The following MCC variants were observed in gnomAD, a reference collection of about 807,000 sequenced individuals.
The protein encoded by MCC is colorectal mutant cancer protein.
Under a neutral mutation model 116.2 loss-of-function variants are expected in MCC, and 90 were observed. That is an observed-to-expected ratio of 0.77 (90% CI 0.65 to 0.92). The LOEUF (loss-of-function observed/expected upper bound fraction) is 0.92, where lower values mean the gene tolerates loss of function less well. Ranked by LOEUF, MCC falls within the 40% of genes least tolerant of loss-of-function variation. The pLI, the probability that MCC is intolerant of heterozygous loss-of-function variation, is 0.00. For synonymous variants in MCC, 578 were observed against 510.5 expected (o/e 1.13, Z -1.78); for missense variants, 1,516 against 1,312.2 (o/e 1.16, Z -2.40).
chr5:113,323,693 C>A (rs1295326153), intron 3 of MCC, among the ~76,000 whole-genome samples: 1 of 152,190 alleles, frequency 6.6e-6, no homozygotes, highest in African/African-American at 2.4e-5. Flanking sequence ...TTTCATGAAT[C>A]TTTAGAAGAC....
At chr5:113,137,214 C>T (rs768896795) in intron 5 of MCC, among the ~76,000 whole-genome samples, 4 of 152,152 alleles carry the variant, frequency 2.6e-5, no homozygotes, top group Non-Finnish European at 5.9e-5. Flanking sequence ...GCAGGAGGAA[C>T]TGTCAACCAC....
intron 16 of MCC, among the ~76,000 whole-genome samples, chr5:113,045,617 T>C (rs1752019146): frequency 6.6e-6 from 1 of 151,962 alleles, no homozygotes; most frequent in Non-Finnish European, 1.5e-5. Flanking sequence ...CTGACCAACA[T>C]GGTGAAAACT....
chr5:113,376,574 T>TACACCCAC (rs1768984685), intron 2 of MCC, among the ~76,000 whole-genome samples: 1 of 145,774 alleles, frequency 6.9e-6, no homozygotes, highest in Non-Finnish European at 1.5e-5. Flanking sequence ...CCATATTTTA[T>TACACCCAC]ACACACACAC....
intron 11 of MCC, 37 bp downstream of exon 11, chr5:113,082,823 C>T (rs1372250314): frequency 1.2e-6 from 2 of 1,605,830 alleles, no homozygotes; most frequent in African/African-American, 1.3e-5. Context: ...GCACCTCCTC[C>T]CTGCCCCACA....
intron 1 of MCC, among the ~76,000 whole-genome samples, chr5:113,405,091 A>G (rs1228236756): frequency 6.6e-6 from 1 of 152,256 alleles, no homozygotes; most frequent in East Asian, 1.9e-4. Flanking sequence ...TACCAGCTCT[A>G]TAGTGGCAGT....
intron 3 of MCC, among the ~76,000 whole-genome samples, chr5:113,324,908 C>T (rs1581400065): frequency 6.6e-6 from 1 of 151,572 alleles, no homozygotes; most frequent in East Asian, 1.9e-4. Context: ...TCATAGCTCA[C>T]TGCAGCCTCA....
chr5:113,326,899 C>T (rs1441319626), intron 3 of MCC, among the ~76,000 whole-genome samples: 1 of 152,044 alleles, frequency 6.6e-6, no homozygotes, highest in Non-Finnish European at 1.5e-5. Flanking sequence ...AAATTTTATT[C>T]CCCTAAAATA....
chr5:113,213,045 A>G (rs1042563410), intron 3 of MCC, among the ~76,000 whole-genome samples: 10 of 151,960 alleles, frequency 6.6e-5, no homozygotes, highest in African/African-American at 2.2e-4. Context: ...TTAAAATTCT[A>G]TTCTGCAAAG....
intron 11 of MCC, among the ~76,000 whole-genome samples, chr5:113,078,342 GAC>G (rs2150239559): frequency 6.6e-6 from 1 of 152,266 alleles, no homozygotes; most frequent in Non-Finnish European, 1.5e-5. Flanking sequence ...AACTGGCAGA[GAC>G]ACAACAACAA....
chr5:113,149,816 C>T (rs1017498084), intron 4 of MCC, among the ~76,000 whole-genome samples: 1 of 152,072 alleles, frequency 6.6e-6, no homozygotes, highest in African/African-American at 2.4e-5. Context: ...TAAGAACAAA[C>T]CAACATCATC....
chr5:113,101,856 C>G lies in MCC; in HGVS notation c.1281G>C (p.Gly427=). 6.2e-7 allele frequency: 1 copy of G among 1,605,122 alleles called. No homozygotes were observed. The highest frequency in any genetic ancestry group is 8.5e-7 in the Non-Finnish European group (1 of 1,176,628). ...TCAGGCTCTCATTCTCTTCCCTCAGCCCAGCCAGCTCCTTCTCCCACCGAG... is the reference window on the plus strand; with the variant it reads ...TCAGGCTCTCATTCTCTTCCCTCAGGCCAGCCAGCTCCTTCTCCCACCGAG... ...ERSRWEKELA[G]LREENESLTA... The change falls in exon 8 of 19, where the codon GGG becomes GGC. Residue 427 remains glycine (G), a synonymous_variant. Transcript: ENST00000408903.
At chr5:113,138,567 A>C (rs1758987077) in intron 5 of MCC, among the ~76,000 whole-genome samples, 1 of 152,194 alleles carries the variant, frequency 6.6e-6, no homozygotes. Context: ...CTTGTGTCTT[A>C]ATCTTAGACT....
At chr5:113,319,527 C>G (rs1003325773) in intron 3 of MCC, among the ~76,000 whole-genome samples, 1 of 152,196 alleles carries the variant, frequency 6.6e-6, no homozygotes, top group African/African-American at 2.4e-5. Context: ...TTCCCATTGG[C>G]TGAGCATTTT....
chr5:113,296,704 A>C, intron 3 of MCC, among the ~76,000 whole-genome samples: 1 of 152,206 alleles, frequency 6.6e-6, no homozygotes, highest in South Asian at 2.1e-4. Flanking sequence ...CTCAATAGGC[A>C]ATGGAGAGCC....
chr5:113,220,223 A>G (rs1763498076), intron 3 of MCC, among the ~76,000 whole-genome samples: 1 of 147,678 alleles, frequency 6.8e-6, no homozygotes, highest in Non-Finnish European at 1.5e-5. Context: ...ACGCCCAGCT[A>G]ATTTTTTTGT....
At chr5:113,333,391 A>C (rs923556809) in intron 3 of MCC, among the ~76,000 whole-genome samples, 2 of 151,692 alleles carry the variant, frequency 1.3e-5, no homozygotes, top group African/African-American at 4.9e-5. Context: ...CCTAAAGTAA[A>C]AAGGCTGCTT....
At chr5:113,110,158 G>C (rs975912035) in intron 6 of MCC, among the ~76,000 whole-genome samples, 1 of 152,156 alleles carries the variant, frequency 6.6e-6, no homozygotes, top group Non-Finnish European at 1.5e-5. Flanking sequence ...CCAGGAGACA[G>C]AGAGGAGGCC....
chr5:113,055,913 T>C (rs1360419379), intron 14 of MCC, among the ~76,000 whole-genome samples: 4 of 152,228 alleles, frequency 2.6e-5, no homozygotes, highest in African/African-American at 9.6e-5. Context: ...AAATTCTTCC[T>C]CCAGACAGCT....
At chr5:113,168,550 A>T (rs1760895031) in intron 3 of MCC, among the ~76,000 whole-genome samples, 1 of 152,204 alleles carries the variant, frequency 6.6e-6, no homozygotes, top group East Asian at 1.9e-4. Flanking sequence ...CAAAAGGATA[A>T]ATCTATGCCA....
Sources: allele counts gnomAD v4.1 joint callset (sites outside exome capture counted in the v4.1 genomes callset), GRCh38; gene constraint gnomAD v4.1.1; transcripts MANE v1.5; gene names NCBI Gene and HGNC (gene_info 2026-07-23, HGNC 2026-07-21).